PACRG: variants seen among roughly 807,000 people sequenced by gnomAD.
PACRG encodes parkin coregulated gene protein.
In PACRG, 29 loss-of-function variants were observed where a neutral mutation model predicts 29.7. The observed-to-expected ratio is 0.98, with a 90% CI of 0.73 to 1.33. The LOEUF is 1.33. PACRG is among the 40% of genes most tolerant of loss of function. The pLI, the probability that PACRG is intolerant of heterozygous loss-of-function variation, is 0.00. For missense variants in PACRG, 279 were observed against 316.2 expected (o/e 0.88, Z 0.89); for synonymous variants, 116 against 118.7 (o/e 0.98, Z 0.15).
chr6:162,805,044 G>A (rs1786202424), intron 1 of PACRG, among the ~76,000 whole-genome samples: 1 of 152,174 alleles, frequency 6.6e-6, no homozygotes, highest in Admixed American at 6.6e-5. Flanking sequence ...AAGATGGTAA[G>A]TACTTGTGTA....
chr6:163,280,117 T>C (rs1784179941), intron 4 of PACRG, among the ~76,000 whole-genome samples: 1 of 152,242 alleles, frequency 6.6e-6, no homozygotes. Context: ...ACTTCCACTC[T>C]GCATGGCCTC....
intron 2 of PACRG, among the ~76,000 whole-genome samples, chr6:162,933,249 A>G (rs1423036590): frequency 6.6e-6 from 1 of 152,050 alleles, no homozygotes; most frequent in African/African-American, 2.4e-5. Context: ...ATGTGTTGAG[A>G]CTTGTTTTGT....
chr6:162,988,460 G>C (rs1803105120), intron 2 of PACRG, among the ~76,000 whole-genome samples: 1 of 152,146 alleles, frequency 6.6e-6, no homozygotes, highest in Non-Finnish European at 1.5e-5. Context: ...AGAGCAAGTT[G>C]AGGAGTTCAG....
At chr6:162,869,177 G>A (rs1244826952) in intron 2 of PACRG, among the ~76,000 whole-genome samples, 1 of 152,116 alleles carries the variant, frequency 6.6e-6, no homozygotes, top group Non-Finnish European at 1.5e-5. Context: ...TTCATTATCA[G>A]TAAAATGAAG....
At chr6:163,134,785 A>G (rs1816863443) in intron 4 of PACRG, among the ~76,000 whole-genome samples, 1 of 152,194 alleles carries the variant, frequency 6.6e-6, no homozygotes, top group Admixed American at 6.5e-5. Flanking sequence ...AATATTTCAA[A>G]CATCCAGAAA....
chr6:162,995,880 A>T (rs1259291692), intron 2 of PACRG, among the ~76,000 whole-genome samples: 2 of 152,216 alleles, frequency 1.3e-5, no homozygotes, highest in African/African-American at 4.8e-5. Context: ...GCTATTGTGA[A>T]TAATGCCACA....
At chr6:162,913,661 A>T (rs1221770816) in intron 2 of PACRG, among the ~76,000 whole-genome samples, 1 of 152,152 alleles carries the variant, frequency 6.6e-6, no homozygotes, top group Non-Finnish European at 1.5e-5. Context: ...CTGTTATATC[A>T]CTTTATATTT....
chr6:163,151,265 G>C (rs1171461736), intron 4 of PACRG, among the ~76,000 whole-genome samples: 1 of 152,082 alleles, frequency 6.6e-6, no homozygotes. Flanking sequence ...TGTTGTTGTT[G>C]TTTTTAATTC....
chr6:163,282,351 G>GCTAC (rs934241242), intron 4 of PACRG, among the ~76,000 whole-genome samples: 1 of 152,132 alleles, frequency 6.6e-6, no homozygotes, highest in Non-Finnish European at 1.5e-5. Context: ...TGACTGAAAA[G>GCTAC]CTACCTCCTG....
chr6:162,730,554 C>T (rs1055030921), intron 1 of PACRG, among the ~76,000 whole-genome samples: 4 of 152,090 alleles, frequency 2.6e-5, no homozygotes, highest in African/African-American at 4.8e-5. Context: ...GATAGTGATA[C>T]AAGTACATAA....
intron 4 of PACRG, among the ~76,000 whole-genome samples, chr6:163,127,670 T>C (rs1816571839): frequency 6.6e-6 from 1 of 152,236 alleles, no homozygotes; most frequent in Admixed American, 6.5e-5. Flanking sequence ...TAGAAAAGTG[T>C]GTATGCTCTC....
chr6:163,259,723 C>T (rs374149595), intron 4 of PACRG, among the ~76,000 whole-genome samples: 2 of 152,316 alleles, frequency 1.3e-5, no homozygotes, highest in East Asian at 3.9e-4. Flanking sequence ...CTCTACAGTA[C>T]GCCTTCCCAG....
intron 2 of PACRG, among the ~76,000 whole-genome samples, chr6:162,855,073 T>G (rs1389070359): frequency 6.6e-6 from 1 of 152,254 alleles, no homozygotes; most frequent in Non-Finnish European, 1.5e-5. Flanking sequence ...CAGTCTCATG[T>G]GAACCATGAT....
intron 3 of PACRG, among the ~76,000 whole-genome samples, chr6:163,083,534 C>T (rs78980072): frequency 0.014 from 2,170 of 152,230 alleles, 44 homozygotes; most frequent in African/African-American, 0.049. Flanking sequence ...GTGTCAGGGG[C>T]GTGTCCTCAA....
intron 2 of PACRG, among the ~76,000 whole-genome samples, chr6:162,939,968 A>G (rs1798501728): frequency 6.6e-6 from 1 of 152,204 alleles, no homozygotes; most frequent in Non-Finnish European, 1.5e-5. Flanking sequence ...AGAATGTCAA[A>G]GTATTTTCTC....
intron 2 of PACRG, among the ~76,000 whole-genome samples, chr6:162,866,538 T>C (rs1029477445): frequency 3.9e-5 from 6 of 152,210 alleles, no homozygotes; most frequent in Non-Finnish European, 5.9e-5. Context: ...TAGAGTTTTC[T>C]GCACTTCAGA....
At chr6:162,744,871 G>A (rs1051011608) in intron 1 of PACRG, among the ~76,000 whole-genome samples, 1 of 152,040 alleles carries the variant, frequency 6.6e-6, no homozygotes, top group African/African-American at 2.4e-5. Flanking sequence ...GAAAACAATG[G>A]AGAAAATGTC....
chr6:163,269,967 GAAAGAAAGA>G lies in PACRG; in HGVS notation c.614-44857_614-44849del, dbSNP rs1554238029. Reference sequence around the variant, plus strand: ...AGAAAGAAAGAAAGAAAGAAAGAAAGAAAGAAAGAAAGAAAGAAAGAAAGAAAGAAAGAA... The same window carrying G: ...AGAAAGAAAGAAAGAAAGAAAGAAAGAAGAAAGAAAGAAAGAAAGAAAGAA... On this transcript the variant is annotated intron_variant, in intron 4 of 4. Transcript: ENST00000366888. Among the ~76,000 whole-genome samples, 4 of 56,156 alleles carry G rather than the reference GAAAGAAAGA, an allele frequency of 7.1e-5. 1 individual carries two copies. In the South Asian group the frequency reaches 3.0e-3, roughly 42 times the overall value. 36.8% of individuals were successfully genotyped at this position (56,156 alleles called of 152,430 possible).
At chr6:163,068,092 A>T (rs943632139) in intron 3 of PACRG, among the ~76,000 whole-genome samples, 1 of 152,130 alleles carries the variant, frequency 6.6e-6, no homozygotes, top group African/African-American at 2.4e-5. Context: ...TCCAATCTGG[A>T]CCACATATTG....
Sources: allele counts gnomAD v4.1 joint callset (sites outside exome capture counted in the v4.1 genomes callset), GRCh38; gene constraint gnomAD v4.1.1; transcripts MANE v1.5; gene names NCBI Gene and HGNC (gene_info 2026-07-23, HGNC 2026-07-21).